The following PTGIR variants were observed in gnomAD, a reference collection of about 807,000 sequenced individuals.
The protein encoded by PTGIR is prostacyclin receptor.
PTGIR carries 16 observed loss-of-function variants against 17.6 expected under a neutral mutation model. That is an observed-to-expected ratio of 0.91 (90% CI 0.61 to 1.38). The LOEUF (loss-of-function observed/expected upper bound fraction) is 1.38. Among genes scored for constraint, PTGIR ranks in the 40% most tolerant of loss-of-function variants. The pLI is 0.00. For missense variants in PTGIR, 532 were observed against 548.6 expected (o/e 0.97, Z 0.30); for synonymous variants, 274 against 255.4 (o/e 1.07, Z -0.69).
chr19:46,623,671 C>G lies in PTGIR; in HGVS notation c.555G>C (p.Ser185=). The G allele has an allele frequency of 6.5e-7, 1 of 1,549,834 alleles. No homozygotes were observed. The highest frequency in any genetic ancestry group is 8.7e-7 in the Non-Finnish European group (1 of 1,149,826). Residue 185 remains serine, a synonymous_variant, in exon 2 of 3, where the codon TCG becomes TCC. Transcript: ENST00000291294. ...GGGCCACCAGGCCGGCGTAGGCCAGCGAGAAGGCGGCGCCGCCCGGCTGGG... is the reference window on the plus strand; with the variant it reads ...GGGCCACCAGGCCGGCGTAGGCCAGGGAGAAGGCGGCGCCGCCCGGCTGGG... The part of the protein sequence containing the change: ...RWAQPGGAAF[S]LAYAGLVALL...
downstream of PTGIR, chr19:46,620,361 C>G (rs1972040654): frequency 1.1e-6 from 1 of 919,936 alleles, no homozygotes; most frequent in African/African-American, 1.8e-5. Context: ...CTGAACCTCC[C>G]AAAGTGCTGG....
At chr19:46,613,631 C>T in the PTGIR span, among the ~76,000 whole-genome samples, 2 of 152,124 alleles carry the variant, frequency 1.3e-5, no homozygotes, top group African/African-American at 2.4e-5. Context: ...CGCGCCCGGC[C>T]GTGCCAAACT....
chr19:46,621,249 A>G lies in PTGIR; in HGVS notation c.*31T>C. ...TTTCTGGCTCCTGTCGCCCGAAGAC[A>G]GGGCAGAGATCACAGGGTCAGCTTG... On this transcript the variant is annotated 3_prime_UTR_variant, in exon 3 of 3. Transcript: ENST00000291294. This position sits in a 1 kb window ranked among gnomAD's most constrained non-coding sequence, Gnocchi z 4.8. The G allele has an allele frequency of 6.8e-7, 1 of 1,476,380 alleles. No homozygotes were observed. Among genetic ancestry groups the G allele is most frequent in the Non-Finnish European group, 9.0e-7 (1 of 1,110,948 alleles). 91.5% of individuals were successfully genotyped at this position (1,476,380 alleles called of 1,614,324 possible).
chr19:46,614,486 C>T, the PTGIR span: 1 of 948,306 alleles, frequency 1.1e-6, no homozygotes, highest in African/African-American at 1.8e-5. Flanking sequence ...TCCCCCGTTC[C>T]CAGCACATCA....
intron 2 of PTGIR, chr19:46,622,109 G>A (rs2122334203): frequency 3.0e-6 from 3 of 985,446 alleles, no homozygotes; most frequent in African/African-American, 3.5e-5. Flanking sequence ...ATCCGGCCTG[G>A]CCTCTTGCAT....
At chr19:46,617,182 G>A (rs940643475), downstream of PTGIR, among the ~76,000 whole-genome samples, 2 of 152,206 alleles carry the variant, frequency 1.3e-5, no homozygotes, top group African/African-American at 4.8e-5. Flanking sequence ...GTGGGAGCGC[G>A]GGAGCTGGCC....
intron 2 of PTGIR, 124 bp downstream of exon 2, chr19:46,623,334 G>C (rs764607841): frequency 2.5e-6 from 3 of 1,205,778 alleles, no homozygotes; most frequent in East Asian, 2.7e-5. Context: ...TTACAGGCGT[G>C]AGCCACCATG....
rs2052731078 is a variant in PTGIR at position 46,621,775 on chromosome 19, A to G, written c.769-103T>C. On this transcript the variant is annotated intron_variant, in intron 2 of 2. Coordinates refer to ENST00000291294, the MANE Select transcript of PTGIR (RefSeq NM_000960.4). This position sits in a 1 kb window ranked among gnomAD's most constrained non-coding sequence, Gnocchi z 4.8. ...TTACCAGGGATGAGGTAGGGGTGAC[A>G]TGTCAGAGGGGAAGGAGATAAGATA... 2.7e-6 allele frequency: 4 copies of G among 1,475,650 alleles called. No individual in the cohort carries two copies. Among genetic ancestry groups the G allele is most frequent in the Middle Eastern group, 2.5e-4 (1 of 4,076 alleles). 91.4% of individuals were successfully genotyped at this position (1,475,650 alleles called of 1,614,324 possible). A position where few individuals can be genotyped will look rare whatever the true frequency, so the allele number is the denominator to read the frequency against.
At chr19:46,619,539 AAGAAAGAAAG>A (rs1445091388), downstream of PTGIR, among the ~76,000 whole-genome samples, 51 of 65,542 alleles carry the variant, frequency 7.8e-4, no homozygotes, top group Admixed American at 2.6e-3. Flanking sequence ...GAAAGAAAGA[AAGAAAGAAAG>A]AGAGAGAGAG....
the PTGIR span, among the ~76,000 whole-genome samples, chr19:46,614,145 C>T: frequency 6.6e-6 from 1 of 152,108 alleles, no homozygotes; most frequent in Non-Finnish European, 1.5e-5. Flanking sequence ...GTCTACCAGA[C>T]CAGCTCAAAA....
At chr19:46,612,367 A>C in the PTGIR span, among the ~76,000 whole-genome samples, 1 of 152,086 alleles carries the variant, frequency 6.6e-6, no homozygotes, top group African/African-American at 2.4e-5. Context: ...AGTGCTCAGG[A>C]AGTGTTCTGT....
downstream of PTGIR, among the ~76,000 whole-genome samples, chr19:46,618,076 G>A (rs567717568): frequency 1.4e-5 from 2 of 144,542 alleles, no homozygotes; most frequent in South Asian, 2.2e-4. Flanking sequence ...GCGCTGTGGC[G>A]TGATCTCGGC....
At chr19:46,617,662 G>A (rs1046345334), downstream of PTGIR, among the ~76,000 whole-genome samples, 25 of 152,124 alleles carry the variant, frequency 1.6e-4, no homozygotes, top group South Asian at 2.1e-4. Context: ...ACCCACCTTC[G>A]GGGGTGACAC....
Position 46,624,022 on chromosome 19 carries a change from G to T in PTGIR, c.204C>A (p.Ser68Arg). 6.5e-7 allele frequency: 1 copy of T among 1,541,436 alleles called. No homozygotes were observed. The highest frequency in any genetic ancestry group is 8.7e-7 in the Non-Finnish European group (1 of 1,143,478). ...GCGCATAGGCCACGAACACGGCCGG[G>T]CTCAGGAAGCTGGTGCCCAGCAGGT... ...ATDLLGTSFL[S>R]PAVFVAYARN... Residue 68 changes from serine to arginine, a missense_variant, in exon 2 of 3, where the codon AGC becomes AGA. Coordinates refer to ENST00000291294, the MANE Select transcript of PTGIR (RefSeq NM_000960.4).
Position 46,623,500 on chromosome 19 carries a change from G to A in PTGIR, c.726C>T (p.Ala242=), listed in dbSNP as rs1390604102. ...EDEVDHLILL[A]LMTVVMAVCS... ...ACACGGCCATGACCACTGTCATGAG[G>A]GCCAGCAGGATCAGGTGGTCCACCT... Residue 242 remains alanine, a synonymous_variant, in exon 2 of 3, where the codon GCC becomes GCT. Coordinates refer to ENST00000291294, the MANE Select transcript of PTGIR (RefSeq NM_000960.4). 6 of 1,580,186 alleles carry A rather than the reference G, an allele frequency of 3.8e-6. No homozygotes were observed. Among genetic ancestry groups the A allele is most frequent in the Middle Eastern group, 1.7e-4 (1 of 6,004 alleles).
the PTGIR span, among the ~76,000 whole-genome samples, chr19:46,612,143 G>A: frequency 1.3e-5 from 2 of 152,242 alleles, no homozygotes; most frequent in African/African-American, 2.4e-5. Context: ...ATTTGGTGGT[G>A]CAGTAAAGAC....
rs1362292941 is a variant in PTGIR at position 46,621,896 on chromosome 19, T to C, written c.769-224A>G. ...AGGGGAGAGGGATGGGGGCCAGGTA[T>C]GTGGGTCCCCCCACCCTTGGAAGCT... On this transcript the variant is annotated intron_variant, in intron 2 of 2. Coordinates refer to ENST00000291294, the MANE Select transcript of PTGIR (RefSeq NM_000960.4). This position sits in a 1 kb window ranked among gnomAD's most constrained non-coding sequence, Gnocchi z 4.8. The C allele has an allele frequency of 7.5e-7, 1 of 1,330,328 alleles. No individual in the cohort carries two copies. Among genetic ancestry groups the C allele is most frequent in the East Asian group, 2.9e-5 (1 of 34,916 alleles). 82.4% of individuals were successfully genotyped at this position (1,330,328 alleles called of 1,614,324 possible).
At chr19:46,614,369 T>C in the PTGIR span, 1 of 984,888 alleles carries the variant, frequency 1.0e-6, no homozygotes, top group East Asian at 1.1e-4. Flanking sequence ...ACGGCATAAA[T>C]CTGTGTGCGC....
chr19:46,614,854 C>G, the PTGIR span, among the ~76,000 whole-genome samples: 1 of 152,168 alleles, frequency 6.6e-6, no homozygotes, highest in Non-Finnish European at 1.5e-5. Flanking sequence ...AACCCCGTTC[C>G]TACTAAAAAT....
Sources: allele counts gnomAD v4.1 joint callset (sites outside exome capture counted in the v4.1 genomes callset), GRCh38; gene constraint gnomAD v4.1.1; non-coding constraint Gnocchi (gnomAD v3.1); transcripts MANE v1.5; gene names NCBI Gene and HGNC (gene_info 2026-07-23, HGNC 2026-07-21).